The following ZNF850 variants were observed in gnomAD, a reference collection of about 807,000 sequenced individuals.
The protein encoded by ZNF850 is zinc finger protein 850, also known as putative zinc finger protein ENSP00000330994.
In ZNF850, 2 loss-of-function variants were observed where a neutral mutation model predicts 11.9. The observed-to-expected ratio is 0.17, with a 90% CI of 0.07 to 0.53. The LOEUF is 0.53. Ranked by LOEUF, ZNF850 falls within the 20% of genes least tolerant of loss-of-function variation. The pLI, the probability that ZNF850 is intolerant of heterozygous loss-of-function variation, is 0.94. For missense variants in ZNF850, 1,014 were observed against 1,316.4 expected, an observed-to-expected ratio of 0.77 and a Z score of 3.55; for synonymous variants, 381 against 443.0, an observed-to-expected ratio of 0.86 and a Z score of 1.76.
chr19:36,748,471 T>C lies in ZNF850; in HGVS notation c.2569A>G (p.Ile857Val), dbSNP rs957792615. ...CCAGTGTGAATTCGCTGATGTTCAA[T>C]TAGTGTTGAGCGAGAAGTAAAAGAT... The part of the protein sequence containing the change: ...GKSFTSRSTL[I>V]EHQRIHTGEK... Residue 857 changes from isoleucine to valine, a missense_variant, in exon 5 of 5, where the codon ATT (isoleucine) becomes GTT (valine). Ile to Val is a conservative substitution (Grantham distance 29, BLOSUM62 3). Transcript: ENST00000591344. 3.2e-6 allele frequency: 5 copies of C among 1,547,030 alleles called. No homozygotes were observed. In the African/African-American group the frequency reaches 4.1e-5, roughly 13 times the overall value.
At chr19:36,760,933 C>A (rs2040514173) in intron 4 of ZNF850, among the ~76,000 whole-genome samples, 1 of 151,414 alleles carries the variant, frequency 6.6e-6, no homozygotes, top group Non-Finnish European at 1.5e-5. Flanking sequence ...CTAGACAAGA[C>A]AACACACAAA....
chr19:36,760,543 T>A (rs1291064758), intron 4 of ZNF850, among the ~76,000 whole-genome samples: 1 of 151,144 alleles, frequency 6.6e-6, no homozygotes, highest in Admixed American at 6.6e-5. Context: ...GCTTTATGAT[T>A]TTTTTTTTAA....
chr19:36,761,795 C>T, intron 3 of ZNF850, 57 bp from the exon 4 acceptor site: 1 of 1,118,428 alleles, frequency 8.9e-7, no homozygotes, highest in Non-Finnish European at 1.3e-6. Flanking sequence ...CCTATAATCC[C>T]AGCACTTTGG....
intron 1 of ZNF850, among the ~76,000 whole-genome samples, chr19:36,771,998 A>ACT (rs757463418): frequency 5.9e-4 from 89 of 151,850 alleles, no homozygotes; most frequent in Non-Finnish European, 6.8e-4. Context: ...AGAGCCGCCA[A>ACT]CTCTCTCTCT....
Position 36,744,408 on chromosome 19 carries a change from A to G in ZNF850, c.*3359T>C, listed in dbSNP as rs1368725351. 1.3e-5 allele frequency: 2 copies of G among 152,058 alleles called. No individual in the cohort carries two copies. Among genetic ancestry groups the G allele is most frequent in the Non-Finnish European group, 1.5e-5 (1 of 68,054 alleles). The allele number at this position is 152,058 out of a possible 1,614,324, so 9.4% of individuals were successfully genotyped here. A position where few individuals can be genotyped will look rare whatever the true frequency, so the allele number is the denominator to read the frequency against. On this transcript the variant is annotated 3_prime_UTR_variant, in exon 5 of 5. Coordinates refer to ENST00000591344, the MANE Select transcript of ZNF850 (RefSeq NM_001193552.2). ...CTAGGAGGCTGAGGTGCTAGGACCA[A>G]TTGAGCCCAAGAGTTCAAGACCAGC...
At chr19:36,756,420 A>G (rs2040486658) in intron 4 of ZNF850, among the ~76,000 whole-genome samples, 1 of 152,180 alleles carries the variant, frequency 6.6e-6, no homozygotes, top group South Asian at 2.1e-4. Context: ...ACCCATTCAT[A>G]TGTGATGTAT....
chr19:36,759,145 T>G lies in ZNF850; in HGVS notation c.235+2498A>C, dbSNP rs77213596. Among the ~76,000 whole-genome samples, 811 of 151,994 alleles carry G rather than the reference T, an allele frequency of 5.3e-3. 21 individuals carry two copies. The highest frequency in any genetic ancestry group is 0.036 in the Admixed American group (548 of 15,242). ...AAAGATTAAATATGAAAATGTCCATTTAAATAAAGATACATCAGAGCAGTC... is the reference window on the plus strand; with the variant it reads ...AAAGATTAAATATGAAAATGTCCATGTAAATAAAGATACATCAGAGCAGTC... On this transcript the variant is annotated intron_variant, in intron 4 of 4. Coordinates refer to ENST00000591344, the MANE Select transcript of ZNF850 (RefSeq NM_001193552.2).
At chr19:36,765,911 A>G (rs984083231) in intron 1 of ZNF850, among the ~76,000 whole-genome samples, 1 of 137,612 alleles carries the variant, frequency 7.3e-6, no homozygotes, top group African/African-American at 2.8e-5. Context: ...ATTTTTTGAG[A>G]CAAGTCTCAA....
chr19:36,759,539 T>C (rs1391222248), intron 4 of ZNF850, among the ~76,000 whole-genome samples: 1 of 152,104 alleles, frequency 6.6e-6, no homozygotes, highest in African/African-American at 2.4e-5. Context: ...GAACTCATGA[T>C]ATCCAGGACT....
intron 1 of ZNF850, among the ~76,000 whole-genome samples, chr19:36,764,846 C>T (rs577054367): frequency 2.6e-5 from 4 of 151,310 alleles, no homozygotes; most frequent in South Asian, 4.2e-4. Context: ...GCCACCATGC[C>T]GAACTAATTT....
intron 1 of ZNF850, among the ~76,000 whole-genome samples, chr19:36,764,163 T>C (rs2040535951): frequency 6.6e-6 from 1 of 152,294 alleles, no homozygotes; most frequent in South Asian, 2.1e-4. Context: ...AAGAATTGCT[T>C]GAACCCAGAA....
At chr19:36,765,840 T>C (rs1349146589) in intron 1 of ZNF850, among the ~76,000 whole-genome samples, 1 of 152,082 alleles carries the variant, frequency 6.6e-6, no homozygotes, top group African/African-American at 2.4e-5. Flanking sequence ...CTCCTCGGCC[T>C]CCCAAAGTGC....
At position 36,748,602 on chromosome 19, in the gene ZNF850, T is replaced by C; in HGVS notation, c.2438A>G (p.Tyr813Cys). 3.9e-6 allele frequency: 6 copies of C among 1,537,200 alleles called. No homozygotes were observed. Among genetic ancestry groups the C allele is most frequent in the Non-Finnish European group, 5.2e-6 (6 of 1,146,926 alleles). The change falls in exon 5 of 5, where the codon TAT becomes TGT. Residue 813 changes from tyrosine (Y) to cysteine (C), a missense_variant. Tyr to Cys is a radical substitution (Grantham distance 194, BLOSUM62 -2). Around this residue, in one of 2 missense-constraint regions of ZNF850, gnomAD observed 835 missense variants for 1,022.0 expected, o/e 0.82. Coordinates refer to ENST00000591344, the MANE Select transcript of ZNF850 (RefSeq NM_001193552.2). ...HQPLHTGEKP[Y>C]HCKECGKSFT... ...AGATTTCCCACATTCCTTGCAATGA[T>C]AAGGTTTCTCACCAGTGTGAAGTGG...
chr19:36,760,261 T>C (rs2040509989), intron 4 of ZNF850, among the ~76,000 whole-genome samples: 1 of 151,866 alleles, frequency 6.6e-6, no homozygotes, highest in African/African-American at 2.4e-5. Flanking sequence ...GCCTAGGCTA[T>C]GTGGCAAAAC....
chr19:36,754,056 C>T (rs572174438), intron 4 of ZNF850, among the ~76,000 whole-genome samples: 1 of 151,268 alleles, frequency 6.6e-6, no homozygotes, highest in Admixed American at 6.6e-5. Flanking sequence ...GTATTTTCAG[C>T]TACTCGGGAG....
rs777000611 is a variant in ZNF850 at position 36,748,314 on chromosome 19, C to T, written c.2726G>A (p.Arg909His). 54 of 1,584,204 alleles carry T rather than the reference C, an allele frequency of 3.4e-5. No individual in the cohort carries two copies. Among genetic ancestry groups the T allele is most frequent in the East Asian group, 2.5e-4 (11 of 43,548 alleles). Residue 909 changes from arginine to histidine, a missense_variant, in exon 5 of 5, where the codon CGT becomes CAT. By Grantham distance (29) the Arg-to-His change is conservative. This residue lies in a region of ZNF850 where 179 missense variants were observed against 294.4 expected (regional missense o/e 0.61). Transcript: ENST00000591344. ...CKECGKAFRR[R>H]SKLTQHQRIH... The stretch of plus-strand genomic sequence containing the variant: ...TCGTTGATGTTGAGTAAGTTTTGAA[C>T]GACGTCTAAAGGCCTTGCCACATTC...
At chr19:36,766,162 G>A (rs1245395583) in intron 1 of ZNF850, among the ~76,000 whole-genome samples, 1 of 152,182 alleles carries the variant, frequency 6.6e-6, no homozygotes, top group African/African-American at 2.4e-5. Context: ...AAAGTGCTGG[G>A]ATTACAGGCA....
At chr19:36,755,906 CTTTTTT>C (rs5827965) in intron 4 of ZNF850, among the ~76,000 whole-genome samples, 1 of 118,064 alleles carries the variant, frequency 8.5e-6, no homozygotes. Context: ...AGTTTTTAGC[CTTTTTT>C]TTTTTTTTTT....
chr19:36,762,236 G>A (rs1382123578), intron 3 of ZNF850, 69 bp downstream of exon 3: 29 of 1,354,506 alleles, frequency 2.1e-5, no homozygotes, highest in Non-Finnish European at 2.0e-5. Context: ...GGCAACAGGT[G>A]AAAAGTCACC....
Sources: gnomAD v4.1 joint callset for allele counts (sites outside exome capture counted in the v4.1 genomes callset) on GRCh38, gnomAD v4.1.1 for gene constraint, gnomAD v4.1.1 regional missense constraint, MANE v1.5 for transcripts, NCBI Gene and HGNC (gene_info 2026-07-23, HGNC 2026-07-21) for gene names.